ATRNL1: variants seen among roughly 807,000 people sequenced by gnomAD.
ATRNL1 encodes attractin-like protein 1.
In ATRNL1, 95 loss-of-function variants were observed where a neutral mutation model predicts 182.7. The observed-to-expected ratio is 0.52, with a 90% CI of 0.44 to 0.62. The LOEUF is 0.62. ATRNL1 is among the 20% of genes least tolerant of loss of function. The pLI, the probability that ATRNL1 is intolerant of heterozygous loss-of-function variation, is 0.00. For missense variants in ATRNL1, 1,471 were observed against 1,679.5 expected (o/e 0.88, Z 2.17); for synonymous variants, 576 against 568.3 (o/e 1.01, Z -0.19).
intron 21 of ATRNL1, among the ~76,000 whole-genome samples, chr10:115,446,330 G>A (rs887177692): frequency 4.0e-5 from 6 of 151,682 alleles, no homozygotes; most frequent in Admixed American, 1.3e-4. Flanking sequence ...TCTGATTCTC[G>A]TATTAACTTT....
intron 19 of ATRNL1, among the ~76,000 whole-genome samples, chr10:115,356,858 GT>G (rs782406881): frequency 6.6e-6 from 1 of 151,918 alleles, no homozygotes; most frequent in Non-Finnish European, 1.5e-5. Context: ...TGACAATGAA[GT>G]GTGTCATTTA....
At chr10:115,585,397 G>T (rs1855451795) in intron 26 of ATRNL1, among the ~76,000 whole-genome samples, 1 of 118,370 alleles carries the variant, frequency 8.4e-6, no homozygotes, top group Non-Finnish European at 1.8e-5. Flanking sequence ...TCTCTTTGTA[G>T]GTCACTCAGG....
chr10:115,354,836 T>G (rs1451430957), intron 19 of ATRNL1, among the ~76,000 whole-genome samples: 2 of 152,146 alleles, frequency 1.3e-5, no homozygotes, highest in African/African-American at 4.8e-5. Context: ...TTTTCCCTTT[T>G]GAGGCTCTTT....
intron 26 of ATRNL1, among the ~76,000 whole-genome samples, chr10:115,684,759 CA>C (rs1555045837): frequency 1.3e-5 from 2 of 151,622 alleles, no homozygotes; most frequent in African/African-American, 4.8e-5. Context: ...TAAATTCAAT[CA>C]GATAATTCAA....
At chr10:115,256,031 T>C (rs894808133) in intron 10 of ATRNL1, among the ~76,000 whole-genome samples, 4 of 152,286 alleles carry the variant, frequency 2.6e-5, no homozygotes, top group Middle Eastern at 3.4e-3. Context: ...CTGATGGATT[T>C]GGTTTGCCAG....
chr10:115,427,317 T>C (rs1554963129), intron 21 of ATRNL1, among the ~76,000 whole-genome samples: 1 of 152,224 alleles, frequency 6.6e-6, no homozygotes, highest in Non-Finnish European at 1.5e-5. Context: ...TTTTAGATTG[T>C]TTTTATATTA....
chr10:115,314,806 A>G (rs1413695222), intron 17 of ATRNL1, among the ~76,000 whole-genome samples: 2 of 152,216 alleles, frequency 1.3e-5, no homozygotes, highest in Admixed American at 6.5e-5. Flanking sequence ...TGAATCAAAA[A>G]ACAAAAAGAC....
At chr10:115,102,404 T>G (rs1463240475) in intron 1 of ATRNL1, among the ~76,000 whole-genome samples, 1 of 152,120 alleles carries the variant, frequency 6.6e-6, no homozygotes, top group Non-Finnish European at 1.5e-5. Context: ...TATTAATGTA[T>G]GTATGTACTT....
At chr10:115,223,887 ATGTGTGTG>A (rs1185815693) in intron 9 of ATRNL1, among the ~76,000 whole-genome samples, 4 of 80,090 alleles carry the variant, frequency 5.0e-5, no homozygotes, top group African/African-American at 1.1e-4. Context: ...TATTTAATAT[ATGTGTGTG>A]TGTGTGTGTG....
intron 26 of ATRNL1, among the ~76,000 whole-genome samples, chr10:115,672,900 G>A (rs1555041898): frequency 1.3e-5 from 2 of 152,030 alleles, no homozygotes; most frequent in African/African-American, 4.8e-5. Context: ...AGTGTATGAC[G>A]TTATAGTATT....
chr10:115,910,826 T>G (rs1462276006), intron 28 of ATRNL1, among the ~76,000 whole-genome samples: 2 of 152,126 alleles, frequency 1.3e-5, no homozygotes, highest in Non-Finnish European at 2.9e-5. Flanking sequence ...TAACTTCTCA[T>G]CCCGCCTGCC....
Position 115,440,787 on chromosome 10 carries a change from CAT to C in ATRNL1, c.3322+14489_3322+14490del, listed in dbSNP as rs552712495. Among the ~76,000 whole-genome samples the C allele has an allele frequency of 3.0e-3, 458 of 151,958 alleles. 2 individuals are homozygous for C. The highest frequency in any genetic ancestry group is 0.011 in the African/African-American group (440 of 41,520). ...CACGTTGCTGGGGGGAAAAAAAAAT[CAT>C]ATAGCTGTGTTGACTGTTTGGTCTT... is the stretch of plus-strand genomic sequence containing the variant. On this transcript the variant is annotated intron_variant, in intron 21 of 28. Coordinates refer to ENST00000355044, the MANE Select transcript of ATRNL1 (RefSeq NM_207303.4).
At chr10:115,534,892 C>T (rs1358542539) in intron 25 of ATRNL1, among the ~76,000 whole-genome samples, 1 of 152,130 alleles carries the variant, frequency 6.6e-6, no homozygotes, top group African/African-American at 2.4e-5. Flanking sequence ...ATATGAAATT[C>T]TGGGTTGAAA....
intron 26 of ATRNL1, among the ~76,000 whole-genome samples, chr10:115,642,553 C>T (rs546829558): frequency 1.3e-5 from 2 of 151,896 alleles, no homozygotes; most frequent in South Asian, 4.2e-4. Context: ...AAGCAATTCT[C>T]CTGCCTAAGC....
At chr10:115,198,398 A>G (rs782643221) in intron 8 of ATRNL1, among the ~76,000 whole-genome samples, 2 of 152,078 alleles carry the variant, frequency 1.3e-5, no homozygotes, top group Admixed American at 6.6e-5. Flanking sequence ...AGTTCCTTAT[A>G]TATTTTCATA....
intron 26 of ATRNL1, among the ~76,000 whole-genome samples, chr10:115,648,489 A>G (rs74483831): frequency 0.022 from 3,414 of 152,284 alleles, 119 homozygotes; most frequent in African/African-American, 0.078. Flanking sequence ...AAGAGCCCAC[A>G]TTGCCAAGAC....
At chr10:115,427,415 T>A (rs1481662875) in intron 21 of ATRNL1, among the ~76,000 whole-genome samples, 9 of 152,176 alleles carry the variant, frequency 5.9e-5, no homozygotes, top group African/African-American at 2.2e-4. Context: ...TAACTTGTCT[T>A]TTTATCTTAT....
At chr10:115,901,245 T>C (rs985285800) in intron 28 of ATRNL1, among the ~76,000 whole-genome samples, 5 of 152,328 alleles carry the variant, frequency 3.3e-5, no homozygotes, top group Admixed American at 2.0e-4. Context: ...GACAGTTCTA[T>C]TAAAAATAGA....
intron 19 of ATRNL1, among the ~76,000 whole-genome samples, chr10:115,391,485 G>T (rs1340691427): frequency 6.6e-6 from 1 of 152,118 alleles, no homozygotes; most frequent in Admixed American, 6.6e-5. Context: ...ATCTGGTGTT[G>T]CAGTCCAATG....
Sources: allele counts gnomAD v4.1 joint callset (sites outside exome capture counted in the v4.1 genomes callset), GRCh38; gene constraint gnomAD v4.1.1; transcripts MANE v1.5; gene names NCBI Gene and HGNC (gene_info 2026-07-23, HGNC 2026-07-21).